Variants in ZNF281 observed in about 807,000 individuals in gnomAD.
ZNF281 encodes zinc finger protein 281.
A neutral mutation model predicts 58.8 loss-of-function variants in ZNF281; 2 were observed. The observed-to-expected ratio is 0.03, with a 90% confidence interval of 0.01 to 0.11. The LOEUF is 0.11. ZNF281 is among the 10% of genes least tolerant of loss of function. The pLI, the probability that ZNF281 is intolerant of heterozygous loss-of-function variation, is 1.00. For missense variants in ZNF281, 975 were observed against 1,090.7 expected, an observed-to-expected ratio of 0.89 and a Z score of 1.49; for synonymous variants, 465 against 407.7, an observed-to-expected ratio of 1.14 and a Z score of -1.69.
chr1:200,406,990 G>C lies in ZNF281; in HGVS notation c.*28C>G. ...AAAATAAAACAAAATTACATTAGAA[G>C]ACCTCCAGCCTGGCCACTTTTGGGA... On this transcript the variant is annotated 3_prime_UTR_variant, in exon 2 of 2. Coordinates refer to ENST00000367353, the MANE Select transcript of ZNF281 (RefSeq NM_001281293.2). 6.4e-7 allele frequency: 1 copy of C among 1,557,470 alleles called. No individual in the cohort carries two copies. The highest frequency in any genetic ancestry group is 8.6e-7 in the Non-Finnish European group (1 of 1,157,034).
In ZNF281 at chr1:200,407,396, A is replaced by C. The variant is rs1252856978; in HGVS notation, c.2310T>G (p.Asp770Glu). 6.2e-7 allele frequency: 1 copy of C among 1,614,170 alleles called. No homozygotes were observed. Among genetic ancestry groups the C allele is most frequent in the Admixed American group, 1.7e-5 (1 of 60,020 alleles). Residue 770 changes from aspartate (D) to glutamate (E), a missense_variant, in exon 2 of 2, where the codon GAT becomes GAG. Transcript: ENST00000367353. Reference protein sequence around the residue: ...TPSQELDDLIDSQKNLETSSA... With the variant: ...TPSQELDDLIESQKNLETSSA... ...ATGAAGTCTCTAAGTTCTTCTGAGA[A>C]TCTATCAGATCATCCAGCTCCTGGG...
chr1:200,407,061 C>T lies in ZNF281; in HGVS notation c.2645G>A (p.Cys882Tyr). ...GGTGGGTGTCTTTACTCTTGTACTA[C>T]ATGGCTCACTTACATCAGACATCAT... ...TNMMSDVSEP[C>Y]STRVKTPTSQ... is the part of the protein sequence containing the mutation. Residue 882 changes from cysteine (C) to tyrosine (Y), a missense_variant, in exon 2 of 2, where the codon TGT becomes TAT. By Grantham distance (194) the Cys-to-Tyr change is radical. Coordinates refer to ENST00000367353, the MANE Select transcript of ZNF281 (RefSeq NM_001281293.2). 6.2e-7 allele frequency: 1 copy of T among 1,614,016 alleles called. No homozygotes were observed.
chr1:200,409,432 G>T lies in ZNF281; in HGVS notation c.274C>A (p.Pro92Thr), dbSNP rs774579656. 29 of 1,523,072 alleles carry T rather than the reference G, an allele frequency of 1.9e-5. No homozygotes were observed. Among genetic ancestry groups the T allele is most frequent in the South Asian group, 3.7e-5 (3 of 80,814 alleles). The allele number at this position is 1,523,072 out of a possible 1,614,324, so 94.3% of individuals were successfully genotyped here. A position where few individuals can be genotyped will look rare whatever the true frequency, so the allele number is the denominator to read the frequency against. Residue 92 changes from proline to threonine, a missense_variant, in exon 2 of 2, where the codon CCT becomes ACT. Around this residue, in one of 3 missense-constraint regions of ZNF281, gnomAD observed 370 missense variants for 360.9 expected, o/e 1.03. Coordinates refer to ENST00000367353, the MANE Select transcript of ZNF281 (RefSeq NM_001281293.2). ...AAAGTCATGTCCGGGGCTGGCGGAGGGGGGGGCTCAGCGGCCGGGGCTGCG... is the reference window on the plus strand; with the variant it reads ...AAAGTCATGTCCGGGGCTGGCGGAGTGGGGGGCTCAGCGGCCGGGGCTGCG... ...TSAAPAAEPP[P>T]PPAPDMTFKK...
Position 200,409,372 on chromosome 1 carries a change from G to A in ZNF281, c.334C>T (p.Pro112Ser), listed in dbSNP as rs746277230. Residue 112 changes from proline (P) to serine (S), a missense_variant, in exon 2 of 2, where the codon CCC becomes TCC. Coordinates refer to ENST00000367353, the MANE Select transcript of ZNF281 (RefSeq NM_001281293.2). ...AACCCCCAGGAGGTCCTCTGCGAGG[G>A]GAAGGCCGCGGCTGACGCCGCCGGC... ...KEPAASAAAFPSQRTSWGFLQ... is the reference protein window; with the variant it reads ...KEPAASAAAFSSQRTSWGFLQ... 9 of 1,531,476 alleles carry A rather than the reference G, an allele frequency of 5.9e-6. No individual in the cohort carries two copies. Among genetic ancestry groups the A allele is most frequent in the East Asian group, 4.9e-5 (2 of 40,814 alleles). The allele number at this position is 1,531,476 out of a possible 1,614,324, so 94.9% of individuals were successfully genotyped here.
rs775104337 is a variant in ZNF281 at position 200,408,101 on chromosome 1, C to G, written c.1605G>C (p.Met535Ile). 2 of 1,614,138 alleles carry G rather than the reference C, an allele frequency of 1.2e-6. No homozygotes were observed. The highest frequency in any genetic ancestry group is 1.7e-6 in the Non-Finnish European group (2 of 1,180,018). ...AATATCTTCTTTTCTTTGAAAACTG[C>G]ATGGCATCATCATAATTACTACTTA... ...GQISSNYDDA[M>I]QFSKKRRYLP... Residue 535 changes from methionine to isoleucine, a missense_variant, in exon 2 of 2, where the codon ATG becomes ATC. Physicochemically the swap from Met to Ile is conservative, Grantham distance 10 (BLOSUM62 1). Around this residue, in one of 3 missense-constraint regions of ZNF281, gnomAD observed 579 missense variants for 608.9 expected, o/e 0.95. Transcript: ENST00000367353.
chr1:200,409,160 C>T lies in ZNF281; in HGVS notation c.546G>A (p.Gln182=), dbSNP rs1435568609. 6.2e-7 allele frequency: 1 copy of T among 1,614,054 alleles called. No individual in the cohort carries two copies. The highest frequency in any genetic ancestry group is 1.3e-5 in the African/African-American group (1 of 74,902). Residue 182 remains glutamine, a synonymous_variant, in exon 2 of 2, where the codon CAG becomes CAA. Coordinates refer to ENST00000367353, the MANE Select transcript of ZNF281 (RefSeq NM_001281293.2). ...GVIQDLSILH[Q]HVQQQPAQHH... Reference sequence around the variant, plus strand: ...GCTGGGCTGGTTGCTGCTGGACATGCTGGTGGAGAATACTGAGGTCCTGGA... The same window carrying T: ...GCTGGGCTGGTTGCTGCTGGACATGTTGGTGGAGAATACTGAGGTCCTGGA...
In ZNF281 at chr1:200,409,760, A is replaced by G. The variant is rs374514167; in HGVS notation, c.-18-37T>C. 8.3e-6 allele frequency: 13 copies of G among 1,563,486 alleles called. No homozygotes were observed. The African/African-American group carries it at 1.6e-4, about 20-fold the overall frequency. On this transcript the variant is annotated intron_variant, in intron 1 of 1. Transcript: ENST00000367353. ...AGGAGGAAGAGGGAAGAGGGAGGAA[A>G]GGAGGTGGAACCGGGCCCCGGGCCG...
Position 200,408,252 on chromosome 1 carries a change from G to T in ZNF281, c.1454C>A (p.Pro485Gln). 1 of 1,611,714 alleles carries T rather than the reference G, an allele frequency of 6.2e-7. No homozygotes were observed. Among genetic ancestry groups the T allele is most frequent in the South Asian group, 1.1e-5 (1 of 91,072 alleles). ...TDKNYLNFVS[P>Q]LPDIVGQKSL... is the part of the protein sequence containing the mutation. ...TTTCTGTCCTACTATGTCTGGTAAT[G>T]GTGACACAAAGTTAAGGTAGTTTTT... Residue 485 changes from proline to glutamine, a missense_variant, in exon 2 of 2, where the codon CCA becomes CAA. Physicochemically the swap from Pro to Gln is moderately conservative, Grantham distance 76. Around this residue, in one of 3 missense-constraint regions of ZNF281, gnomAD observed 579 missense variants for 608.9 expected, o/e 0.95. Coordinates refer to ENST00000367353, the MANE Select transcript of ZNF281 (RefSeq NM_001281293.2).
At position 200,407,282 on chromosome 1, in the gene ZNF281, C is replaced by G. The variant is rs1219940186; in HGVS notation, c.2424G>C (p.Gln808His). Residue 808 changes from glutamine (Q) to histidine (H), a missense_variant, in exon 2 of 2, where the codon CAG becomes CAC. Physicochemically the swap from Gln to His is conservative, Grantham distance 24. Coordinates refer to ENST00000367353, the MANE Select transcript of ZNF281 (RefSeq NM_001281293.2). ...ESSTGFQIPS[Q>H]ELASQIDPQK... ...GAGGATCTATCTGGCTAGCTAACTC[C>G]TGAGATGGAATCTGAAAGCCTGTTG... 2 of 1,614,082 alleles carry G rather than the reference C, an allele frequency of 1.2e-6. No homozygotes were observed. The highest frequency in any genetic ancestry group is 1.7e-6 in the Non-Finnish European group (2 of 1,180,050).
chr1:200,407,570 A>C lies in ZNF281; in HGVS notation c.2136T>G (p.Thr712=), dbSNP rs748945973. The C allele has an allele frequency of 6.2e-7, 1 of 1,614,254 alleles. No individual in the cohort carries two copies. The highest frequency in any genetic ancestry group is 2.2e-5 in the East Asian group (1 of 44,892). Residue 712 remains threonine (T), a synonymous_variant, in exon 2 of 2, where the codon ACT becomes ACG. Transcript: ENST00000367353. The part of the protein sequence containing the change: ...HTLFPEKQIY[T]TSPLECGFGQ... ...CGAAACCACACTCCAAAGGAGACGT[A>C]GTGTATATTTGTTTTTCTGGAAACA...
Position 200,406,802 on chromosome 1 carries a change from A to G in ZNF281, c.*216T>C. The G allele has an allele frequency of 2.3e-6, 1 of 435,328 alleles. No homozygotes were observed. The allele number at this position is 435,328 out of a possible 1,614,324, so 27.0% of individuals were successfully genotyped here. On this transcript the variant is annotated 3_prime_UTR_variant, in exon 2 of 2. Coordinates refer to ENST00000367353, the MANE Select transcript of ZNF281 (RefSeq NM_001281293.2). Reference sequence around the variant, plus strand: ...TTGATTGCTAAACATTGTCACTTTGAATGTCAAACTATTTTTAATCTATTG... The same window carrying G: ...TTGATTGCTAAACATTGTCACTTTGGATGTCAAACTATTTTTAATCTATTG...
Position 200,408,180 on chromosome 1 carries a change from T to C in ZNF281, c.1526A>G (p.Asn509Ser). ...GAGAAGACCAATGGTCTCCACACTA[T>C]TATTTGATACTATGCCAAGTGAGCC... ...PSGSLGIVSN[N>S]SVETIGLLQS... The change falls in exon 2 of 2, where the codon AAT becomes AGT. Residue 509 changes from asparagine (N) to serine (S), a missense_variant. Physicochemically the swap from Asn to Ser is conservative, Grantham distance 46 (BLOSUM62 1). Coordinates refer to ENST00000367353, the MANE Select transcript of ZNF281 (RefSeq NM_001281293.2). 6.2e-7 allele frequency: 1 copy of C among 1,613,966 alleles called. No individual in the cohort carries two copies. The highest frequency in any genetic ancestry group is 1.3e-5 in the African/African-American group (1 of 75,074).
rs1238249189 is a variant in ZNF281, at chr1:200,407,957, A to G, written c.1749T>C (p.Leu583=). 1.2e-5 allele frequency: 20 copies of G among 1,614,074 alleles called. No homozygotes were observed. The highest frequency in any genetic ancestry group is 1.6e-5 in the Non-Finnish European group (19 of 1,180,042). Residue 583 remains leucine, a synonymous_variant, in exon 2 of 2, where the codon CTT becomes CTC. Transcript: ENST00000367353. ...CAGCATTTAGAGCTGAGGAGTCAAT[A>G]AGTGACAATGGTGCCTCATTGTCCA... ...SVLDNEAPLS[L]IDSSALNAEI... is the part of the protein sequence containing the mutation.
At position 200,406,753 on chromosome 1, in the gene ZNF281, C is replaced by A; in HGVS notation, c.*265G>T. ...TTGCGTTTAAAACATTTGGGCTATT[C>A]CCTGACGATCTATACATGTAAATTT... On this transcript the variant is annotated 3_prime_UTR_variant, in exon 2 of 2. Coordinates refer to ENST00000367353, the MANE Select transcript of ZNF281 (RefSeq NM_001281293.2). 1 of 242,500 alleles carries A rather than the reference C, an allele frequency of 4.1e-6. No homozygotes were observed. The highest frequency in any genetic ancestry group is 6.0e-5 in the Admixed American group (1 of 16,544). 15.0% of individuals were successfully genotyped at this position (242,500 alleles called of 1,614,324 possible).
rs1378502191 is a variant in ZNF281, at chr1:200,405,606, G to A, written c.*1412C>T. ...AAAGCAGTTTTAGAGTAGAGCCACT[G>A]CCAATCAGTAGCTTCAAATGGCAAT... On this transcript the variant is annotated 3_prime_UTR_variant, in exon 2 of 2. Transcript: ENST00000367353. The A allele has an allele frequency of 6.6e-6, 1 of 152,176 alleles. No individual in the cohort carries two copies. The highest frequency in any genetic ancestry group is 1.5e-5 in the Non-Finnish European group (1 of 68,026). 9.4% of individuals were successfully genotyped at this position (152,176 alleles called of 1,614,324 possible).
Position 200,409,351 on chromosome 1 carries a change from C to T in ZNF281, c.355G>A (p.Gly119Arg). ...ATGCTAACCAAAGACTGCAAGAACC[C>T]CCAGGAGGTCCTCTGCGAGGGGAAG... ...AAFPSQRTSW[G>R]FLQSLVSIKQ... Residue 119 changes from glycine to arginine, a missense_variant, in exon 2 of 2, where the codon GGG (glycine) becomes AGG (arginine). This residue lies in a region of ZNF281 where 370 missense variants were observed against 360.9 expected (regional missense o/e 1.03). Transcript: ENST00000367353. 3 of 1,550,770 alleles carry T rather than the reference C, an allele frequency of 1.9e-6. No individual in the cohort carries two copies. Among genetic ancestry groups the T allele is most frequent in the Non-Finnish European group, 2.6e-6 (3 of 1,146,378 alleles).
chr1:200,407,455 C>T lies in ZNF281; in HGVS notation c.2251G>A (p.Ala751Thr). Residue 751 changes from alanine (A) to threonine (T), a missense_variant, in exon 2 of 2, where the codon GCT (alanine) becomes ACT (threonine). By Grantham distance (58) the Ala-to-Thr change is moderately conservative. Coordinates refer to ENST00000367353, the MANE Select transcript of ZNF281 (RefSeq NM_001281293.2). Reference protein sequence around the residue: ...FGSQPGLYLSALDATHQQLTP... With the variant: ...FGSQPGLYLSTLDATHQQLTP... ...AACTGCTGATGTGTAGCATCCAAAG[C>T]AGACAAATAAAGACCTGGCTGAGAT... 1 of 1,614,152 alleles carries T rather than the reference C, an allele frequency of 6.2e-7. No homozygotes were observed. Among genetic ancestry groups the T allele is most frequent in the African/African-American group, 1.3e-5 (1 of 75,034 alleles).
rs369749141 is a variant in ZNF281 at position 200,408,246 on chromosome 1, G to A, written c.1460C>T (p.Pro487Leu). ...CAAGGATTTCTGTCCTACTATGTCT[G>A]GTAATGGTGACACAAAGTTAAGGTA... ...KNYLNFVSPL[P>L]DIVGQKSLSG... The change falls in exon 2 of 2, where the codon CCA (proline) becomes CTA (leucine). Residue 487 changes from proline (P) to leucine (L), a missense_variant. Physicochemically the swap from Pro to Leu is moderately conservative, Grantham distance 98. Coordinates refer to ENST00000367353, the MANE Select transcript of ZNF281 (RefSeq NM_001281293.2). 3 of 1,611,740 alleles carry A rather than the reference G, an allele frequency of 1.9e-6. No individual in the cohort carries two copies. The highest frequency in any genetic ancestry group is 2.7e-5 in the African/African-American group (2 of 74,860).
At position 200,409,425 on chromosome 1, in the gene ZNF281, G is replaced by A. The variant is rs1375143837; in HGVS notation, c.281C>T (p.Pro94Leu). The change falls in exon 2 of 2, where the codon CCA becomes CTA. Residue 94 changes from proline (P) to leucine (L), a missense_variant. Transcript: ENST00000367353. The stretch of plus-strand genomic sequence containing the variant: ...CTTCTTGAAAGTCATGTCCGGGGCT[G>A]GCGGAGGGGGGGGCTCAGCGGCCGG... Reference protein sequence around the residue: ...AAPAAEPPPPPAPDMTFKKEP... With the variant: ...AAPAAEPPPPLAPDMTFKKEP... The A allele has an allele frequency of 2.6e-6, 4 of 1,521,882 alleles. No homozygotes were observed. The highest frequency in any genetic ancestry group is 4.2e-5 in the Admixed American group (2 of 47,338). 94.3% of individuals were successfully genotyped at this position (1,521,882 alleles called of 1,614,324 possible).
Sources: allele counts gnomAD v4.1 joint callset, GRCh38; gene constraint gnomAD v4.1.1; regional missense constraint gnomAD v4.1.1; transcripts MANE v1.5; gene names NCBI Gene and HGNC (gene_info 2026-07-23, HGNC 2026-07-21).